KIF1A: variants seen among roughly 807,000 people sequenced by gnomAD.
KIF1A encodes kinesin family member 1A.
Under a neutral mutation model 227.3 loss-of-function variants are expected in KIF1A, and 46 were observed. The observed-to-expected ratio is 0.20, with a 90% CI of 0.16 to 0.26. KIF1A has a LOEUF of 0.26. Among genes scored for constraint, KIF1A ranks in the 10% least tolerant of loss-of-function variants. KIF1A has a pLI of 1.00. For synonymous variants in KIF1A, 1,022 were observed against 1,012.8 expected (o/e 1.01, Z -0.17); for missense variants, 1,683 against 2,485.9 (o/e 0.68, Z 6.87).
intron 20 of KIF1A, among the ~76,000 whole-genome samples, chr2:240,764,701 C>T (rs115090169): frequency 0.031 from 4,688 of 152,268 alleles, 252 homozygotes; most frequent in African/African-American, 0.11. Context: ...GTGATTCAGC[C>T]ACACCCTCCC....
At chr2:240,782,004 G>A (rs1389884223) in intron 10 of KIF1A, 1 of 985,286 alleles carries the variant, frequency 1.0e-6, no homozygotes, top group African/African-American at 1.7e-5. Context: ...GGATCCCCGT[G>A]GTGGCGCCCG....
At chr2:240,817,322 G>C (rs944679216) in intron 1 of KIF1A, among the ~76,000 whole-genome samples, 1 of 152,180 alleles carries the variant, frequency 6.6e-6, no homozygotes, top group Admixed American at 6.5e-5. Flanking sequence ...GGCAGTGGGA[G>C]GTGACACCTT....
In KIF1A at chr2:240,778,434, G is replaced by A. The variant is rs535490419; in HGVS notation, c.883-2508C>T. On this transcript the variant is annotated intron_variant, in intron 10 of 48. Coordinates refer to ENST00000498729, the MANE Select transcript of KIF1A (RefSeq NM_001244008.2). This position sits in a 1 kb window ranked among gnomAD's most constrained non-coding sequence, Gnocchi z 7.2. ...ACATTCCTCCAACATTTCCTAACAC[G>A]GCTCCCCACGGGAGGCCTCACACGA... 1.3e-5 allele frequency among the ~76,000 whole-genome samples: 2 copies of A among 149,728 alleles called. No individual in the cohort carries two copies. The highest frequency in any genetic ancestry group is 6.6e-5 in the Admixed American group (1 of 15,062).
At chr2:240,746,278 G>T in intron 29 of KIF1A, 101 bp from the exon 30 acceptor site, 1 of 1,423,680 alleles carries the variant, frequency 7.0e-7, no homozygotes, top group Non-Finnish European at 9.5e-7. Flanking sequence ...GCCACCCAGA[G>T]CCTGGGCTGG....
chr2:240,780,807 C>G (rs2053609939), intron 10 of KIF1A, among the ~76,000 whole-genome samples: 1 of 102,742 alleles, frequency 9.7e-6, no homozygotes, highest in Non-Finnish European at 1.8e-5. Context: ...TCCACACACA[C>G]ACACACACAC....
intron 48 of KIF1A, 62 bp from the exon 49 acceptor site, chr2:240,717,468 CG>C: frequency 6.6e-7 from 1 of 1,511,260 alleles, no homozygotes; most frequent in Non-Finnish European, 9.1e-7. Context: ...CCATATCCAC[CG>C]TGCCCTGCAC....
rs2288750 is a variant in KIF1A at position 240,783,028 on chromosome 2, G to T, written c.864+16C>A. 1 of 1,606,728 alleles carries T rather than the reference G, an allele frequency of 6.2e-7. No homozygotes were observed. Among genetic ancestry groups the T allele is most frequent in the Non-Finnish European group, 8.5e-7 (1 of 1,173,770 alleles). ...CTCTGGGGTTCTGGCTATGGAAGCC[G>T]GGCCGGGCCACTCACCATTTCAGCC... On this transcript the variant is annotated intron_variant, in intron 9 of 48. Coordinates refer to ENST00000498729, the MANE Select transcript of KIF1A (RefSeq NM_001244008.2).
intron 33 of KIF1A, 125 bp from the exon 34 acceptor site, chr2:240,743,109 C>A (rs558682385): frequency 7.1e-6 from 5 of 706,556 alleles, no homozygotes; most frequent in Non-Finnish European, 1.1e-5. Flanking sequence ...TCTCCAAGAC[C>A]GTCCACCAGC....
At chr2:240,805,561 C>T (rs2057345170) in intron 1 of KIF1A, among the ~76,000 whole-genome samples, 1 of 152,166 alleles carries the variant, frequency 6.6e-6, no homozygotes, top group Non-Finnish European at 1.5e-5. Flanking sequence ...GGGATTTTAA[C>T]ACACTTCTCA....
At chr2:240,799,521 G>A (rs1203814492) in intron 1 of KIF1A, among the ~76,000 whole-genome samples, 2 of 151,928 alleles carry the variant, frequency 1.3e-5, no homozygotes, top group Non-Finnish European at 2.9e-5. Context: ...AGGTGCAGCC[G>A]CGTCTACACT....
At chr2:240,762,986 G>C in intron 22 of KIF1A, 33 bp downstream of exon 22, 1 of 1,446,114 alleles carries the variant, frequency 6.9e-7, no homozygotes, top group East Asian at 2.5e-5. Flanking sequence ...GTGGGTGGGG[G>C]CTGGGCAGGG....
At chr2:240,808,404 G>A (rs894524925) in intron 1 of KIF1A, among the ~76,000 whole-genome samples, 17 of 152,134 alleles carry the variant, frequency 1.1e-4, no homozygotes, top group Admixed American at 5.2e-4. Flanking sequence ...CACACCTGTA[G>A]TCCCAGCTAC....
chr2:240,746,264 C>A, intron 29 of KIF1A, 87 bp from the exon 30 acceptor site: 1 of 1,478,254 alleles, frequency 6.8e-7, no homozygotes, highest in African/African-American at 1.4e-5. Flanking sequence ...CACGGGAGGG[C>A]TGTGCCACCC....
Position 240,766,792 on chromosome 2 carries a change from G to T in KIF1A, c.1684+123C>A. ...ACACACACACACACACACACGTCCT[G>T]CCTAGAAGTATGACTCGCGACCCAC... On this transcript the variant is annotated intron_variant, in intron 19 of 48. Coordinates refer to ENST00000498729, the MANE Select transcript of KIF1A (RefSeq NM_001244008.2). This position sits in a 1 kb window ranked among gnomAD's most constrained non-coding sequence, Gnocchi z 5.0. 2.6e-6 allele frequency: 1 copy of T among 381,500 alleles called. No individual in the cohort carries two copies. The highest frequency in any genetic ancestry group is 4.7e-6 in the Non-Finnish European group (1 of 211,308). 23.6% of individuals were successfully genotyped at this position (381,500 alleles called of 1,614,324 possible).
At position 240,774,480 on chromosome 2, in the gene KIF1A, G is replaced by C. The variant is rs545554453; in HGVS notation, c.959-219C>G. ...CTCCTTCATCTCTGAACCAGGCACC[G>C]CTATTATTTCTCTTTTACTTGTGTT... On this transcript the variant is annotated intron_variant, in intron 11 of 48. Transcript: ENST00000498729. Among the ~76,000 whole-genome samples the C allele has an allele frequency of 6.4e-5, 9 of 141,454 alleles. No homozygotes were observed. In the South Asian group the frequency reaches 2.0e-3, roughly 32 times the overall value. The allele number at this position is 141,454 out of a possible 152,430, so 92.8% of individuals were successfully genotyped here.
At chr2:240,812,979 T>C (rs2058045956) in intron 1 of KIF1A, among the ~76,000 whole-genome samples, 2 of 151,052 alleles carry the variant, frequency 1.3e-5, no homozygotes, top group South Asian at 4.2e-4. Context: ...ACCTCGGGGA[T>C]CCGCCTTCAC....
rs577356178 is a variant in KIF1A, at chr2:240,814,139, T to C, written c.-61+5983A>G. 2.1e-5 allele frequency among the ~76,000 whole-genome samples: 3 copies of C among 142,346 alleles called. No individual in the cohort carries two copies. In the South Asian group the frequency reaches 7.0e-4, roughly 33 times the overall value. The allele number at this position is 142,346 out of a possible 152,430, so 93.4% of individuals were successfully genotyped here. A position where few individuals can be genotyped will look rare whatever the true frequency, so the allele number is the denominator to read the frequency against. The stretch of plus-strand genomic sequence containing the variant: ...CATGAATTCAGGGTAAAAGAAAAAA[T>C]GAAAAGGAGGAAATTACGAACAAAT... On this transcript the variant is annotated intron_variant, in intron 1 of 48. Transcript: ENST00000498729.
At chr2:240,731,489 T>A (rs2046593880) in intron 38 of KIF1A, among the ~76,000 whole-genome samples, 12 of 152,204 alleles carry the variant, frequency 7.9e-5, no homozygotes, top group Admixed American at 7.8e-4. Context: ...TTGTGCCAGC[T>A]GGGAGACAAC....
intron 1 of KIF1A, among the ~76,000 whole-genome samples, chr2:240,807,647 A>T (rs972892089): frequency 6.6e-6 from 1 of 152,222 alleles, no homozygotes; most frequent in African/African-American, 2.4e-5. Context: ...GAACCCACAG[A>T]TATCGAGAGC....
Sources: gnomAD v4.1 joint callset for allele counts (sites outside exome capture counted in the v4.1 genomes callset) on GRCh38, gnomAD v4.1.1 for gene constraint, Gnocchi (gnomAD v3.1) non-coding constraint, MANE v1.5 for transcripts, NCBI Gene and HGNC (gene_info 2026-07-23, HGNC 2026-07-21) for gene names.